RABGAP1L: variants seen among roughly 807,000 people sequenced by gnomAD.
RABGAP1L encodes RAB GTPase activating protein 1 like.
A neutral mutation model predicts 137.7 loss-of-function variants in RABGAP1L; 63 were observed. The observed-to-expected ratio is 0.46, with a 90% CI of 0.37 to 0.56. The LOEUF (loss-of-function observed/expected upper bound fraction) is 0.56, where lower values mean the gene tolerates loss of function less well. RABGAP1L is among the 20% of genes least tolerant of loss of function. The pLI, the probability that RABGAP1L is intolerant of heterozygous loss-of-function variation, is 0.00. For missense variants in RABGAP1L, 1,095 were observed against 1,244.0 expected (o/e 0.88, Z 1.80); for synonymous variants, 431 against 433.7 (o/e 0.99, Z 0.08).
chr1:174,719,676 A>T (rs1412275306), intron 17 of RABGAP1L, among the ~76,000 whole-genome samples: 1 of 152,200 alleles, frequency 6.6e-6, no homozygotes, highest in Admixed American at 6.5e-5. Flanking sequence ...ACTGGGATGA[A>T]CTGCAGAGTA....
chr1:174,655,692 G>C (rs1011865839), intron 14 of RABGAP1L, among the ~76,000 whole-genome samples: 1 of 152,052 alleles, frequency 6.6e-6, no homozygotes, highest in Non-Finnish European at 1.5e-5. Flanking sequence ...CAATTTATTA[G>C]TTTATTTATA....
At chr1:174,635,351 G>T (rs138954621) in intron 13 of RABGAP1L, among the ~76,000 whole-genome samples, 140 of 152,146 alleles carry the variant, frequency 9.2e-4, no homozygotes, top group African/African-American at 3.1e-3. Flanking sequence ...TCATCTTTCA[G>T]GTAGTTTATA....
chr1:174,162,397 G>A (rs564990238), intron 1 of RABGAP1L, among the ~76,000 whole-genome samples: 2 of 152,270 alleles, frequency 1.3e-5, no homozygotes, highest in Admixed American at 1.3e-4. Flanking sequence ...ATCAAAAGAA[G>A]GAATTCTGTT....
chr1:174,597,149 G>GT (rs1385194625), intron 13 of RABGAP1L, among the ~76,000 whole-genome samples: 1 of 152,054 alleles, frequency 6.6e-6, no homozygotes, highest in Non-Finnish European at 1.5e-5. Context: ...TTGTATCAAT[G>GT]TTCGTCAGAA....
intron 1 of RABGAP1L, among the ~76,000 whole-genome samples, chr1:174,184,872 C>T (rs1666677307): frequency 6.6e-6 from 1 of 152,112 alleles, no homozygotes; most frequent in African/African-American, 2.4e-5. Flanking sequence ...TTATTTATTT[C>T]TTCAATTCCT....
intron 13 of RABGAP1L, among the ~76,000 whole-genome samples, chr1:174,583,229 C>T (rs879807825): frequency 8.5e-5 from 13 of 152,098 alleles, no homozygotes; most frequent in East Asian, 1.9e-4. Context: ...ACCAAAATTA[C>T]GATCATTATA....
In RABGAP1L at chr1:174,278,973, G is replaced by A. The variant is rs541930954; in HGVS notation, c.1323+194G>A. The stretch of plus-strand genomic sequence containing the variant: ...AATATTAGCTAAAAAAACCCAGCAA[G>A]TTTAATAATTACATACTTTTTCCCT... On this transcript the variant is annotated intron_variant, in intron 10 of 25. Transcript: ENST00000681986. 3.3e-5 allele frequency among the ~76,000 whole-genome samples: 5 copies of A among 152,168 alleles called. No homozygotes were observed. In the South Asian group the frequency reaches 1.0e-3, roughly 32 times the overall value.
chr1:174,583,364 T>C (rs1395020960), intron 13 of RABGAP1L, among the ~76,000 whole-genome samples: 1 of 152,070 alleles, frequency 6.6e-6, no homozygotes, highest in Non-Finnish European at 1.5e-5. Context: ...TCCTAGGAAG[T>C]GAGTTTTGGG....
intron 17 of RABGAP1L, among the ~76,000 whole-genome samples, chr1:174,752,020 G>GA (rs1448093581): frequency 4.0e-5 from 6 of 151,884 alleles, no homozygotes; most frequent in African/African-American, 1.5e-4. Flanking sequence ...CTTGAGCAAG[G>GA]AACTTGACTT....
At chr1:174,482,575 C>T (rs1332346438) in intron 13 of RABGAP1L, among the ~76,000 whole-genome samples, 1 of 152,206 alleles carries the variant, frequency 6.6e-6, no homozygotes, top group Non-Finnish European at 1.5e-5. Flanking sequence ...ACTGCAGCCT[C>T]TACCTCCTGG....
chr1:174,643,351 T>G (rs1419425210), intron 14 of RABGAP1L, among the ~76,000 whole-genome samples: 2 of 152,186 alleles, frequency 1.3e-5, no homozygotes, highest in Non-Finnish European at 2.9e-5. Context: ...AGTAAGCTGC[T>G]TTGAATTATG....
At chr1:174,806,726 G>A (rs1689335153) in intron 18 of RABGAP1L, among the ~76,000 whole-genome samples, 1 of 152,216 alleles carries the variant, frequency 6.6e-6, no homozygotes. Flanking sequence ...TTCATAAACA[G>A]CACTACTACT....
chr1:174,977,157 A>G lies in RABGAP1L; in HGVS notation c.2649+975A>G, dbSNP rs1234447585. 4.6e-5 allele frequency among the ~76,000 whole-genome samples: 7 copies of G among 152,232 alleles called. 1 individual carries two copies. The South Asian group carries it at 8.3e-4, about 18-fold the overall frequency. Reference sequence around the variant, plus strand: ...AAGCAACCAGAAAAAAAGTTCCACTAAAGTTACATGTGGAGGAATGTGTCA... The same window carrying G: ...AAGCAACCAGAAAAAAAGTTCCACTGAAGTTACATGTGGAGGAATGTGTCA... On this transcript the variant is annotated intron_variant, in intron 22 of 25. Transcript: ENST00000681986.
At chr1:174,569,610 CTT>C (rs2148045057) in intron 13 of RABGAP1L, among the ~76,000 whole-genome samples, 1 of 152,296 alleles carries the variant, frequency 6.6e-6, no homozygotes, top group South Asian at 2.1e-4. Context: ...AGTGTATACT[CTT>C]TACCTTGGCT....
At chr1:174,303,488 C>T (rs1190744200) in intron 10 of RABGAP1L, among the ~76,000 whole-genome samples, 2 of 152,092 alleles carry the variant, frequency 1.3e-5, no homozygotes, top group African/African-American at 2.4e-5. Flanking sequence ...AATTTATTTG[C>T]ATAAATGTGA....
intron 13 of RABGAP1L, among the ~76,000 whole-genome samples, chr1:174,577,507 C>G (rs1490020662): frequency 6.6e-6 from 1 of 151,900 alleles, no homozygotes; most frequent in African/African-American, 2.4e-5. Flanking sequence ...TTACTGCCAC[C>G]AACACCACTG....
intron 18 of RABGAP1L, among the ~76,000 whole-genome samples, chr1:174,788,617 G>C (rs1687631891): frequency 6.6e-6 from 1 of 152,024 alleles, no homozygotes; most frequent in African/African-American, 2.4e-5. Context: ...GGTAATCTTC[G>C]TAGCATTCCT....
In RABGAP1L at chr1:174,811,879, G is replaced by T. The variant is rs780436959; in HGVS notation, c.2259G>T (p.Lys753Asn). The change falls in exon 19 of 26, where the codon AAG becomes AAT. Residue 753 changes from lysine (K) to asparagine (N), a missense_variant. Coordinates refer to ENST00000681986, the MANE Select transcript of RABGAP1L (RefSeq NM_001366446.1). The stretch of plus-strand genomic sequence containing the variant: ...AGGCTGATTTTGAAGGTGCTTTAAA[G>T]TTCTTTAGAGTTCAGCTTCCAAAGA... Reference protein sequence around the residue: ...LLQADFEGALKFFRVQLPKRY... With the variant: ...LLQADFEGALNFFRVQLPKRY... 3 of 1,608,854 alleles carry T rather than the reference G, an allele frequency of 1.9e-6. No homozygotes were observed. In the African/African-American group the frequency reaches 4.0e-5, roughly 22 times the overall value.
intron 21 of RABGAP1L, among the ~76,000 whole-genome samples, chr1:174,973,448 G>A (rs1350278449): frequency 6.8e-6 from 1 of 147,192 alleles, no homozygotes; most frequent in African/African-American, 2.5e-5. Flanking sequence ...GCAATAGTGC[G>A]ATCTTGGCTC....
Sources: gnomAD v4.1 joint callset for allele counts (sites outside exome capture counted in the v4.1 genomes callset) on GRCh38, gnomAD v4.1.1 for gene constraint, MANE v1.5 for transcripts, NCBI Gene and HGNC (gene_info 2026-07-23, HGNC 2026-07-21) for gene names.